Variants in PMPCB observed in about 807,000 individuals in gnomAD.
The protein encoded by PMPCB is peptidase, mitochondrial processing subunit beta.
PMPCB carries 46 observed loss-of-function variants against 61.5 expected under a neutral mutation model. The observed-to-expected ratio is 0.75, with a 90% CI of 0.59 to 0.96. The LOEUF is 0.96. PMPCB is among the 40% of genes least tolerant of loss of function. The probability of loss-of-function intolerance (pLI) is 0.00; values close to 1 mark genes in which losing one functional copy is unlikely to be tolerated. For missense variants in PMPCB, 590 were observed against 602.4 expected, an observed-to-expected ratio of 0.98 and a Z score of 0.22; for synonymous variants, 191 against 201.6, an observed-to-expected ratio of 0.95 and a Z score of 0.44.
At chr7:103,341,519 G>T in the PMPCB span, among the ~76,000 whole-genome samples, 1 of 152,246 alleles carries the variant, frequency 6.6e-6, no homozygotes, top group East Asian at 1.9e-4. Context: ...TTCACTAATT[G>T]CTGCCTGTCC....
intron 9 of PMPCB, chr7:103,310,768 C>T (rs1817720416): frequency 1.2e-5 from 2 of 164,066 alleles, no homozygotes; most frequent in Admixed American, 1.3e-4. Flanking sequence ...GCCTCCGCCT[C>T]CCAGGTTCAA....
downstream of PMPCB, among the ~76,000 whole-genome samples, chr7:103,319,435 TCAAAA>T (rs368867894): frequency 9.5e-4 from 144 of 152,116 alleles, no homozygotes; most frequent in African/African-American, 3.3e-3. Flanking sequence ...AGACTCTGTC[TCAAAA>T]CAAAAAACCA....
chr7:103,322,695 C>G (rs556065250), intron 12 of PMPCB: 1 of 1,612,580 alleles, frequency 6.2e-7, no homozygotes, highest in South Asian at 1.1e-5. Flanking sequence ...TAAATCAATT[C>G]TACTTACCAA....
downstream of PMPCB, chr7:103,319,470 C>G: frequency 2.2e-6 from 2 of 899,008 alleles, no homozygotes; most frequent in Admixed American, 5.4e-5. Flanking sequence ...ACACATAAAA[C>G]AACAACAACA....
intron 8 of PMPCB, among the ~76,000 whole-genome samples, chr7:103,309,692 A>G (rs1410162840): frequency 1.3e-5 from 2 of 152,204 alleles, no homozygotes; most frequent in African/African-American, 2.4e-5. Context: ...ATACTGAGGA[A>G]CTATACCAAG....
downstream of PMPCB, chr7:103,329,641 A>T (rs567323856): frequency 5.3e-5 from 8 of 152,284 alleles, no homozygotes; most frequent in Admixed American, 3.9e-4. Flanking sequence ...TCAAAATCTT[A>T]CTGTCATTTA....
chr7:103,301,966 G>T (rs561334554), intron 4 of PMPCB, among the ~76,000 whole-genome samples: 3 of 152,090 alleles, frequency 2.0e-5, no homozygotes, highest in African/African-American at 7.2e-5. Context: ...ACCACCCCAC[G>T]ACAGGCTCCG....
At position 103,312,576 on chromosome 7, in the gene PMPCB, T is replaced by A; in HGVS notation, c.*305T>A. ...CACACACAACAAAGATTGTCATTTC[T>A]TGGCTCTACTTGCATTCAGCACTTG... is the stretch of plus-strand genomic sequence containing the variant. On this transcript the variant is annotated 3_prime_UTR_variant, in exon 13 of 13. Transcript: ENST00000249269. 6.2e-7 allele frequency: 1 copy of A among 1,612,374 alleles called. No homozygotes were observed. Among genetic ancestry groups the A allele is most frequent in the South Asian group, 1.1e-5 (1 of 90,446 alleles).
downstream of PMPCB, chr7:103,314,802 T>A: frequency 4.8e-6 from 1 of 208,176 alleles, no homozygotes; most frequent in East Asian, 1.8e-4. Context: ...AGAATATAGG[T>A]AAAACTGGGA....
At chr7:103,340,845 AC>A in the PMPCB span, among the ~76,000 whole-genome samples, 3 of 152,152 alleles carry the variant, frequency 2.0e-5, no homozygotes, top group Admixed American at 2.0e-4. Context: ...CCAATTTCTA[AC>A]CATCTACTAG....
chr7:103,347,478 A>C, the PMPCB span: 1 of 453,628 alleles, frequency 2.2e-6, no homozygotes, highest in Non-Finnish European at 4.1e-6. Context: ...TATTGTGTCT[A>C]ATATGCCAGG....
the PMPCB span, among the ~76,000 whole-genome samples, chr7:103,341,358 T>C: frequency 1.3e-5 from 2 of 152,212 alleles, no homozygotes; most frequent in Non-Finnish European, 2.9e-5. Context: ...TGGTCTAGTG[T>C]CCTTTTAAAG....
At chr7:103,308,559 C>T (rs1382322039) in intron 7 of PMPCB, among the ~76,000 whole-genome samples, 2 of 151,992 alleles carry the variant, frequency 1.3e-5, no homozygotes, top group African/African-American at 2.4e-5. Context: ...GCCGAGGTTG[C>T]GGTGAGCCGA....
At position 103,300,243 on chromosome 7, in the gene PMPCB, T is replaced by C. The variant is rs779884609; in HGVS notation, c.393T>C (p.Asn131=). The C allele has an allele frequency of 6.8e-6, 11 of 1,611,666 alleles. No homozygotes were observed. The East Asian group carries it at 2.5e-4, about 36-fold the overall frequency. ...LEIENMGAHL[N]AYTSREQTVY... Reference sequence around the variant, plus strand: ...TTGAAAATATGGGTGCTCATCTCAATGCCTATACCTCCAGAGAGCAGACTG... The same window carrying C: ...TTGAAAATATGGGTGCTCATCTCAACGCCTATACCTCCAGAGAGCAGACTG... The change falls in exon 4 of 13, where the codon AAT becomes AAC. Residue 131 remains asparagine, a synonymous_variant. Coordinates refer to ENST00000249269, the MANE Select transcript of PMPCB (RefSeq NM_004279.3).
chr7:103,306,866 C>T (rs556261226), intron 6 of PMPCB, among the ~76,000 whole-genome samples: 9 of 152,304 alleles, frequency 5.9e-5, no homozygotes, highest in African/African-American at 1.9e-4. Flanking sequence ...AGCAGTTCTC[C>T]TGCCTCAGCC....
downstream of PMPCB, chr7:103,317,110 T>G: frequency 9.2e-7 from 1 of 1,088,186 alleles, no homozygotes; most frequent in South Asian, 1.5e-5. Context: ...CAACTCTCAA[T>G]GTCATTCTCA....
chr7:103,309,986 T>C (rs1817691756), intron 8 of PMPCB, among the ~76,000 whole-genome samples: 1 of 152,236 alleles, frequency 6.6e-6, no homozygotes, highest in Non-Finnish European at 1.5e-5. Flanking sequence ...ATATGCAATA[T>C]AACTTTGAAT....
the PMPCB span, chr7:103,337,449 A>G: frequency 3.0e-3 from 850 of 283,370 alleles, 9 homozygotes; most frequent in African/African-American, 0.017. Flanking sequence ...AGAGAGGTGA[A>G]GTATTATTTT....
chr7:103,321,676 T>A (rs1818423896), intron 12 of PMPCB, among the ~76,000 whole-genome samples: 1 of 151,518 alleles, frequency 6.6e-6, no homozygotes, highest in African/African-American at 2.4e-5. Context: ...GGCGAAACCC[T>A]GTCTCTACTA....
Sources: allele counts gnomAD v4.1 joint callset (sites outside exome capture counted in the v4.1 genomes callset), GRCh38; gene constraint gnomAD v4.1.1; transcripts MANE v1.5; gene names NCBI Gene and HGNC (gene_info 2026-07-23, HGNC 2026-07-21).